YIPF7: variants seen among roughly 807,000 people sequenced by gnomAD.
YIPF7 encodes the protein Yip1 domain family member 7.
YIPF7 carries 35 observed loss-of-function variants against 27.2 expected under a neutral mutation model. That is an observed-to-expected ratio of 1.29 (90% CI 0.98 to 1.70). The LOEUF (loss-of-function observed/expected upper bound fraction) is 1.70. Ranked by LOEUF, YIPF7 falls within the 40% of genes most tolerant of loss-of-function variation. YIPF7 has a pLI of 0.00. For synonymous variants in YIPF7, 137 were observed against 110.4 expected (o/e 1.24, Z -1.51); for missense variants, 358 against 303.7 (o/e 1.18, Z -1.33).
intron 3 of YIPF7, among the ~76,000 whole-genome samples, chr4:44,632,234 A>G (rs1052390473): frequency 6.6e-6 from 1 of 152,212 alleles, no homozygotes; most frequent in Non-Finnish European, 1.5e-5. Flanking sequence ...ATCTTATTGT[A>G]CAAAATAAAA....
rs376148090 is a variant in YIPF7, at chr4:44,636,101, T to G, written c.117-16A>C. 1 of 1,589,644 alleles carries G rather than the reference T, an allele frequency of 6.3e-7. No individual in the cohort carries two copies. On this transcript the variant is annotated splice_polypyrimidine_tract_variant and intron_variant, in intron 2 of 5. Transcript: ENST00000415895. The stretch of plus-strand genomic sequence containing the variant: ...AGCTTGTTGTCTAGAAAAAGAAAAA[T>G]ACAAACATTTACATGTCTAAGAAAA...
intron 2 of YIPF7, among the ~76,000 whole-genome samples, chr4:44,647,170 C>A (rs1293849351): frequency 1.6e-4 from 25 of 152,206 alleles, no homozygotes. Flanking sequence ...GGCCGTCAAC[C>A]TGGTACTGTA....
chr4:44,624,046 T>C (rs1712531465), intron 5 of YIPF7, among the ~76,000 whole-genome samples: 1 of 151,586 alleles, frequency 6.6e-6, no homozygotes, highest in Non-Finnish European at 1.5e-5. Context: ...GTGCCAGTTT[T>C]TTTTTCTCTC....
At chr4:44,641,520 A>C (rs550176249) in intron 2 of YIPF7, among the ~76,000 whole-genome samples, 2 of 152,326 alleles carry the variant, frequency 1.3e-5, no homozygotes, top group African/African-American at 4.8e-5. Flanking sequence ...CTTTCATAAA[A>C]GCCCTTGGGG....
chr4:44,622,246 A>G lies in YIPF7; in HGVS notation c.*168T>C, dbSNP rs1712466675. The G allele has an allele frequency of 1.2e-6, 1 of 810,988 alleles. No homozygotes were observed. Among genetic ancestry groups the G allele is most frequent in the Non-Finnish European group, 1.9e-6 (1 of 525,668 alleles). 50.2% of individuals were successfully genotyped at this position (810,988 alleles called of 1,614,324 possible). On this transcript the variant is annotated 3_prime_UTR_variant, in exon 6 of 6. Transcript: ENST00000415895. The stretch of plus-strand genomic sequence containing the variant: ...AAACTCAAAAGCAAAACATCATTCA[A>G]ACCAACAGGCTATTAGAGCACCACC...
intron 3 of YIPF7, among the ~76,000 whole-genome samples, chr4:44,633,372 G>C (rs941427997): frequency 6.6e-6 from 1 of 152,154 alleles, no homozygotes; most frequent in African/African-American, 2.4e-5. Context: ...TGCAACAATA[G>C]AGACATTTCA....
Position 44,624,757 on chromosome 4 carries a change from A to C in YIPF7, c.452T>G (p.Val151Gly). ...LLAGKVQFGY[V>G]YGMSAIGCLV... ...GCAGCCAATGGCACTCATGCCATAC[A>C]CATAACCAAACTGAACTTTTCCTGC... is the stretch of plus-strand genomic sequence containing the variant. The change falls in exon 5 of 6, where the codon GTG becomes GGG. Residue 151 changes from valine (V) to glycine (G), a missense_variant. Coordinates refer to ENST00000415895, the MANE Select transcript of YIPF7 (RefSeq NM_182592.3). 1 of 1,610,022 alleles carries C rather than the reference A, an allele frequency of 6.2e-7. No individual in the cohort carries two copies. Among genetic ancestry groups the C allele is most frequent in the Non-Finnish European group, 8.5e-7 (1 of 1,178,548 alleles).
chr4:44,626,499 A>T (rs1316811023), intron 4 of YIPF7, among the ~76,000 whole-genome samples: 3 of 152,114 alleles, frequency 2.0e-5, no homozygotes, highest in Non-Finnish European at 4.4e-5. Flanking sequence ...CTACAAATGG[A>T]GTGGGGCAAA....
At chr4:44,654,242 G>T (rs912604820), upstream of YIPF7, among the ~76,000 whole-genome samples, 1 of 152,030 alleles carries the variant, frequency 6.6e-6, no homozygotes, top group African/African-American at 2.4e-5. Context: ...TGTAGCACAT[G>T]TTGAAGAACA....
At chr4:44,638,209 ATTTTTT>A (rs34946710) in intron 2 of YIPF7, among the ~76,000 whole-genome samples, 1 of 124,852 alleles carries the variant, frequency 8.0e-6, no homozygotes. Context: ...GAGTTTCAGG[ATTTTTT>A]TTTTTTTTTT....
rs80199883 is a variant in YIPF7 at position 44,624,621 on chromosome 4, G to A, written c.588C>T (p.Cys196=). The A allele has an allele frequency of 7.7e-4, 1,231 of 1,593,392 alleles. 13 individuals are homozygous for A. The East Asian group carries it at 0.025, about 33-fold the overall frequency. ...CTTACTGCAGTGAAAAGAACATGGC[G>A]CAACCAGACAGGATGACCATGGGGA... ...CLLPMVILSG[C]AMFFSLQGIF... Residue 196 remains cysteine, a synonymous_variant, in exon 5 of 6, where the codon TGC becomes TGT. Coordinates refer to ENST00000415895, the MANE Select transcript of YIPF7 (RefSeq NM_182592.3).
upstream of YIPF7, among the ~76,000 whole-genome samples, chr4:44,654,894 CT>C (rs1553873804): frequency 6.6e-6 from 1 of 151,970 alleles, no homozygotes; most frequent in Non-Finnish European, 1.5e-5. Context: ...TGAAATATCA[CT>C]TTTACAGTAG....
intron 5 of YIPF7, 122 bp downstream of exon 5, chr4:44,624,479 T>A (rs180816322): frequency 8.7e-7 from 1 of 1,155,272 alleles, no homozygotes; most frequent in South Asian, 1.9e-5. Context: ...TAGCTTTTAA[T>A]AGCCATGGTT....
chr4:44,634,414 T>C (rs1053148767), intron 3 of YIPF7, among the ~76,000 whole-genome samples: 2 of 151,972 alleles, frequency 1.3e-5, no homozygotes, highest in South Asian at 4.1e-4. Context: ...GCACCTGTAG[T>C]CTCAACTACT....
chr4:44,646,537 G>A (rs1412032426), intron 2 of YIPF7, among the ~76,000 whole-genome samples: 1 of 152,126 alleles, frequency 6.6e-6, no homozygotes, highest in African/African-American at 2.4e-5. Flanking sequence ...AATATGAATA[G>A]ATTTCACATT....
At chr4:44,633,138 G>A (rs190123086) in intron 3 of YIPF7, among the ~76,000 whole-genome samples, 140 of 152,304 alleles carry the variant, frequency 9.2e-4, no homozygotes, top group Non-Finnish European at 1.9e-3. Context: ...TGAAGTGGAA[G>A]AGTTTCATCT....
chr4:44,626,763 CTTTTTTTTTTTTTTTTT>C (rs71190269), intron 4 of YIPF7, among the ~76,000 whole-genome samples: 2 of 69,770 alleles, frequency 2.9e-5, no homozygotes, highest in Admixed American at 4.9e-4. Flanking sequence ...ATTAGCACAT[CTTTTTTTTTTTTTTTTT>C]TTTTTTTTTT....
rs766276259 is a variant in YIPF7, at chr4:44,624,693, T to G, written c.516A>C (p.Ser172=). ...TGGCCACACAGCCGTACGACACCCC[T>G]GAAGAGCTCATCAGGTTCAGCAAGG... The part of the protein sequence containing the change: ...IHALLNLMSS[S]GVSYGCVASV... Residue 172 remains serine, a synonymous_variant, in exon 5 of 6, where the codon TCA becomes TCC. Coordinates refer to ENST00000415895, the MANE Select transcript of YIPF7 (RefSeq NM_182592.3). 3.1e-6 allele frequency: 5 copies of G among 1,609,868 alleles called. No individual in the cohort carries two copies. The East Asian group carries it at 1.1e-4, about 36-fold the overall frequency.
At chr4:44,648,382 T>G (rs1192850357) in intron 2 of YIPF7, among the ~76,000 whole-genome samples, 1 of 152,154 alleles carries the variant, frequency 6.6e-6, no homozygotes, top group Non-Finnish European at 1.5e-5. Flanking sequence ...TTGGGGACAT[T>G]TCAGATTCTG....
Sources: allele counts gnomAD v4.1 joint callset (sites outside exome capture counted in the v4.1 genomes callset), GRCh38; gene constraint gnomAD v4.1.1; transcripts MANE v1.5; gene names NCBI Gene and HGNC (gene_info 2026-07-23, HGNC 2026-07-21).